RCAN2: variants seen among roughly 807,000 people sequenced by gnomAD.
RCAN2 encodes the protein regulator of calcineurin 2.
Under a neutral mutation model 23.6 loss-of-function variants are expected in RCAN2, and 9 were observed. The ratio of observed to expected loss-of-function variants is 0.38; its 90% confidence interval spans 0.23 to 0.67. The LOEUF (loss-of-function observed/expected upper bound fraction) is 0.67, where lower values mean the gene tolerates loss of function less well. RCAN2 is among the 30% of genes least tolerant of loss of function. The pLI is 0.51. For synonymous variants in RCAN2, 109 were observed against 115.7 expected, an observed-to-expected ratio of 0.94 and a Z score of 0.37; for missense variants, 273 against 302.3, an observed-to-expected ratio of 0.90 and a Z score of 0.72.
chr6:46,469,873 T>C (rs1369227312), intron 1 of RCAN2, among the ~76,000 whole-genome samples: 2 of 152,166 alleles, frequency 1.3e-5, no homozygotes, highest in Admixed American at 6.5e-5. Flanking sequence ...TTCAGCTAGC[T>C]TGCCCTTTGG....
At chr6:46,400,766 G>C (rs1341901170) in intron 2 of RCAN2, among the ~76,000 whole-genome samples, 1 of 152,204 alleles carries the variant, frequency 6.6e-6, no homozygotes, top group Non-Finnish European at 1.5e-5. Flanking sequence ...CTGCCCCACA[G>C]CAGCAGGGTA....
At chr6:46,231,799 T>C (rs1765901364) in intron 4 of RCAN2, among the ~76,000 whole-genome samples, 1 of 152,072 alleles carries the variant, frequency 6.6e-6, no homozygotes, top group South Asian at 2.1e-4. Context: ...GTCAGAGAAG[T>C]CTGTATTAGG....
At chr6:46,444,811 C>A (rs1767653031) in intron 2 of RCAN2, among the ~76,000 whole-genome samples, 2 of 152,110 alleles carry the variant, frequency 1.3e-5, no homozygotes, top group African/African-American at 4.8e-5. Context: ...TCCAGGACCA[C>A]CCCTTGGACC....
chr6:46,283,848 C>A (rs9472733), intron 2 of RCAN2, among the ~76,000 whole-genome samples: 2,407 of 152,206 alleles, frequency 0.016, 68 homozygotes, highest in African/African-American at 0.055. Context: ...TGAAGAGAAG[C>A]AAAATGAGCT....
Position 46,268,447 on chromosome 6 carries a change from A to T in RCAN2, c.226-19551T>A, listed in dbSNP as rs145923596. The stretch of plus-strand genomic sequence containing the variant: ...TTTCACCTGCTGTATAATGGTCATA[A>T]CTGGATTTCTCTTCATCTAAATCTG... On this transcript the variant is annotated intron_variant, in intron 2 of 4. Coordinates refer to ENST00000371374, the MANE Select transcript of RCAN2 (RefSeq NM_001251974.2). 1.9e-4 allele frequency among the ~76,000 whole-genome samples: 29 copies of T among 152,280 alleles called. No individual in the cohort carries two copies. The East Asian group carries it at 4.2e-3, about 22-fold the overall frequency.
intron 2 of RCAN2, among the ~76,000 whole-genome samples, chr6:46,356,065 A>G (rs981815989): frequency 6.6e-6 from 1 of 152,232 alleles, no homozygotes; most frequent in Non-Finnish European, 1.5e-5. Flanking sequence ...AGACACAGAC[A>G]TGAGCCCTCC....
chr6:46,323,169 G>A (rs1029678038), intron 2 of RCAN2, among the ~76,000 whole-genome samples: 5 of 152,052 alleles, frequency 3.3e-5, no homozygotes, highest in African/African-American at 1.2e-4. Flanking sequence ...TGATAAACTG[G>A]TAAAAGTTAC....
intron 2 of RCAN2, among the ~76,000 whole-genome samples, chr6:46,354,259 A>C (rs1764755773): frequency 7.0e-6 from 1 of 143,126 alleles, no homozygotes; most frequent in Non-Finnish European, 1.5e-5. Flanking sequence ...GTGTGTGTAG[A>C]ATCCCTGACT....
intron 2 of RCAN2, among the ~76,000 whole-genome samples, chr6:46,383,639 A>G (rs2150394659): frequency 6.6e-6 from 1 of 152,300 alleles, no homozygotes; most frequent in Admixed American, 6.5e-5. Flanking sequence ...TTAAATTTAA[A>G]TTAATTAAAA....
At chr6:46,469,789 A>G (rs1768503719) in intron 1 of RCAN2, among the ~76,000 whole-genome samples, 1 of 152,114 alleles carries the variant, frequency 6.6e-6, no homozygotes, top group African/African-American at 2.4e-5. Context: ...GGCCTTTAAG[A>G]AGTAATTAGG....
intron 3 of RCAN2, among the ~76,000 whole-genome samples, 197 bp downstream of exon 3, chr6:46,248,526 G>A (rs1424648941): frequency 6.6e-6 from 1 of 151,974 alleles, no homozygotes; most frequent in East Asian, 1.9e-4. Flanking sequence ...AACTTGCTCT[G>A]GTAGGCAGCT....
intron 2 of RCAN2, among the ~76,000 whole-genome samples, chr6:46,339,823 A>T (rs1232386358): frequency 6.6e-6 from 1 of 152,130 alleles, no homozygotes; most frequent in Non-Finnish European, 1.5e-5. Flanking sequence ...TATACAAAGG[A>T]GGGAAATGTT....
In RCAN2 at chr6:46,301,830, G is replaced by T. The variant is rs1257139397; in HGVS notation, c.226-52934C>A. Among the ~76,000 whole-genome samples the T allele has an allele frequency of 4.6e-5, 7 of 152,122 alleles. No homozygotes were observed. The Middle Eastern group carries it at 0.02, about 444-fold the overall frequency. ...GTGTGTCCCGAAGAATAACGAATAA[G>T]GGAGTGAGCACATAGAGGGGAGTTT... On this transcript the variant is annotated intron_variant, in intron 2 of 4. Transcript: ENST00000371374.
chr6:46,288,553 A>G (rs1386193576), intron 2 of RCAN2, among the ~76,000 whole-genome samples: 3 of 152,236 alleles, frequency 2.0e-5, no homozygotes, highest in African/African-American at 4.8e-5. Flanking sequence ...ACTAGTAACT[A>G]TTGTTCCCCT....
At chr6:46,330,263 G>A (rs1001150891) in intron 2 of RCAN2, among the ~76,000 whole-genome samples, 1 of 152,036 alleles carries the variant, frequency 6.6e-6, no homozygotes, top group Non-Finnish European at 1.5e-5. Context: ...AGATTCTCGG[G>A]CCCCACCCAA....
At chr6:46,461,168 G>GT (rs925575803) in intron 1 of RCAN2, among the ~76,000 whole-genome samples, 6 of 151,876 alleles carry the variant, frequency 4.0e-5, no homozygotes, top group African/African-American at 7.3e-5. Flanking sequence ...TCATTGCAGT[G>GT]TTTTTTTTAC....
At chr6:46,257,779 G>C (rs1766968798) in intron 2 of RCAN2, among the ~76,000 whole-genome samples, 1 of 152,158 alleles carries the variant, frequency 6.6e-6, no homozygotes, top group Non-Finnish European at 1.5e-5. Flanking sequence ...GAAAGCCAGA[G>C]AAGCTAATCA....
chr6:46,480,163 G>A (rs572780337), intron 1 of RCAN2, among the ~76,000 whole-genome samples: 7 of 152,320 alleles, frequency 4.6e-5, no homozygotes, highest in African/African-American at 1.7e-4. Context: ...TCATTGGTGA[G>A]TCTGGGCTTC....
intron 2 of RCAN2, among the ~76,000 whole-genome samples, chr6:46,275,177 T>TC (rs1245904321): frequency 2.0e-5 from 3 of 152,072 alleles, no homozygotes; most frequent in African/African-American, 7.2e-5. Flanking sequence ...TTTTTTTTTT[T>TC]CCACAGTTGA....
Sources: gnomAD v4.1 joint callset for allele counts (sites outside exome capture counted in the v4.1 genomes callset) on GRCh38, gnomAD v4.1.1 for gene constraint, MANE v1.5 for transcripts, NCBI Gene and HGNC (gene_info 2026-07-23, HGNC 2026-07-21) for gene names.